The following ADAMTS17 variants were observed in gnomAD, a reference collection of about 807,000 sequenced individuals.
ADAMTS17 encodes the protein A disintegrin and metalloproteinase with thrombospondin motifs 17.
In ADAMTS17, 113 loss-of-function variants were observed where a neutral mutation model predicts 141.5. The observed-to-expected ratio is 0.80, with a 90% CI of 0.69 to 0.93. The LOEUF is 0.93. ADAMTS17 is among the 40% of genes least tolerant of loss of function. The pLI is 0.00. For synonymous variants in ADAMTS17, 768 were observed against 630.6 expected (o/e 1.22, Z -3.27); for missense variants, 1,659 against 1,517.9 (o/e 1.09, Z -1.54).
chr15:100,175,187 A>T (rs1035308667), intron 8 of ADAMTS17, among the ~76,000 whole-genome samples: 3 of 152,210 alleles, frequency 2.0e-5, no homozygotes, highest in Non-Finnish European at 2.9e-5. Flanking sequence ...ATGCCTTTTT[A>T]AAAAAGTAAC....
At chr15:100,167,361 C>A (rs565431738) in intron 8 of ADAMTS17, among the ~76,000 whole-genome samples, 1 of 152,264 alleles carries the variant, frequency 6.6e-6, no homozygotes, top group East Asian at 1.9e-4. Flanking sequence ...AAAAGGGAGC[C>A]CTTTGCCTGT....
intron 2 of ADAMTS17, among the ~76,000 whole-genome samples, chr15:100,338,431 A>T: frequency 6.6e-6 from 1 of 152,172 alleles, no homozygotes; most frequent in African/African-American, 2.4e-5. Context: ...ATACAGTGGG[A>T]CTTACCAGCA....
intron 8 of ADAMTS17, among the ~76,000 whole-genome samples, chr15:100,199,022 G>A (rs764147222): frequency 5.3e-5 from 8 of 152,158 alleles, no homozygotes; most frequent in Non-Finnish European, 7.4e-5. Context: ...TGCTCGTCCC[G>A]GAAAGGAAGT....
chr15:100,110,881 G>A (rs922572592), intron 13 of ADAMTS17, among the ~76,000 whole-genome samples: 2 of 152,164 alleles, frequency 1.3e-5, no homozygotes, highest in East Asian at 1.9e-4. Flanking sequence ...CAGAGCAGAC[G>A]TGCTGTCTCG....
chr15:100,044,659 T>G (rs2031534678), intron 18 of ADAMTS17, among the ~76,000 whole-genome samples: 2 of 152,238 alleles, frequency 1.3e-5, no homozygotes, highest in Admixed American at 6.5e-5. Context: ...CCAGTCAGTC[T>G]CCATTAATGG....
intron 18 of ADAMTS17, among the ~76,000 whole-genome samples, chr15:100,010,681 A>G (rs2061147376): frequency 6.6e-6 from 1 of 152,130 alleles, no homozygotes; most frequent in African/African-American, 2.4e-5. Flanking sequence ...CAACCAAAAC[A>G]CAGCTTTAAC....
At chr15:100,245,040 A>G (rs1295420415) in intron 7 of ADAMTS17, among the ~76,000 whole-genome samples, 1 of 152,228 alleles carries the variant, frequency 6.6e-6, no homozygotes, top group East Asian at 1.9e-4. Flanking sequence ...GCAATGGAGC[A>G]TGCAACTGCA....
chr15:100,206,767 T>C (rs905757159), intron 7 of ADAMTS17, among the ~76,000 whole-genome samples: 3 of 152,152 alleles, frequency 2.0e-5, no homozygotes, highest in African/African-American at 2.4e-5. Context: ...GGATCGAATC[T>C]CCCTTCAGAG....
chr15:100,210,626 A>G (rs1355142368), intron 7 of ADAMTS17, among the ~76,000 whole-genome samples: 1 of 152,208 alleles, frequency 6.6e-6, no homozygotes, highest in Non-Finnish European at 1.5e-5. Flanking sequence ...TATTTGGCCC[A>G]TTTAGGATTG....
rs536295102 is a variant in ADAMTS17 at position 99,999,783 on chromosome 15, C to T, written c.2592-2194G>A. On this transcript the variant is annotated intron_variant, in intron 18 of 21. Coordinates refer to ENST00000268070, the MANE Select transcript of ADAMTS17 (RefSeq NM_139057.4). ...GCTCCTACGGCAGTCCCAGTGACGA[C>T]GGCACTGGTCTGAACCAACTGGGGT... Among the ~76,000 whole-genome samples, 18 of 152,230 alleles carry T rather than the reference C, an allele frequency of 1.2e-4. 1 individual carries two copies. The East Asian group carries it at 1.4e-3, about 11-fold the overall frequency.
At position 100,188,726 on chromosome 15, in the gene ADAMTS17, T is replaced by A. The variant is rs192692501; in HGVS notation, c.1181+10592A>T. 3.3e-5 allele frequency among the ~76,000 whole-genome samples: 5 copies of A among 152,238 alleles called. No individual in the cohort carries two copies. In the East Asian group the frequency reaches 7.7e-4, roughly 24 times the overall value. On this transcript the variant is annotated intron_variant, in intron 8 of 21. Transcript: ENST00000268070. ...CCAAGCACACCTGCTAAGAAACCTG[T>A]CTCCAGGTGATAGAGGAGGCTGAAC...
At chr15:100,235,731 G>C (rs1413064509) in intron 7 of ADAMTS17, among the ~76,000 whole-genome samples, 2 of 152,188 alleles carry the variant, frequency 1.3e-5, no homozygotes, top group African/African-American at 2.4e-5. Context: ...GGCCCTCTCT[G>C]ACATCAAAAG....
At chr15:100,196,123 T>C (rs2041105777) in intron 8 of ADAMTS17, among the ~76,000 whole-genome samples, 1 of 152,212 alleles carries the variant, frequency 6.6e-6, no homozygotes, top group Non-Finnish European at 1.5e-5. Context: ...AGCAGCAGTA[T>C]TGACATTACC....
chr15:100,246,858 C>A (rs896129910), intron 7 of ADAMTS17, among the ~76,000 whole-genome samples: 2 of 127,912 alleles, frequency 1.6e-5, no homozygotes, highest in Non-Finnish European at 3.3e-5. Context: ...AAGTGGTTTG[C>A]CCTTTTATTT....
intron 7 of ADAMTS17, among the ~76,000 whole-genome samples, chr15:100,243,802 AAGAAAG>A (rs1468705899): frequency 4.7e-5 from 4 of 85,714 alleles, no homozygotes; most frequent in East Asian, 4.2e-4. Flanking sequence ...AAAAAAAAAA[AAGAAAG>A]AAAAGAAAAA....
At chr15:100,114,253 C>A (rs2036975136) in intron 13 of ADAMTS17, among the ~76,000 whole-genome samples, 1 of 151,832 alleles carries the variant, frequency 6.6e-6, no homozygotes, top group Non-Finnish European at 1.5e-5. Context: ...CCAAAGAATT[C>A]CGCAGCGATA....
intron 7 of ADAMTS17, among the ~76,000 whole-genome samples, chr15:100,234,795 GCCAGGGTGGA>G (rs2042602751): frequency 6.6e-6 from 1 of 152,200 alleles, no homozygotes; most frequent in African/African-American, 2.4e-5. Flanking sequence ...CAGCAGCTGA[GCCAGGGTGGA>G]AAGGAAGGGG....
chr15:100,327,195 A>G (rs888305290), intron 3 of ADAMTS17, among the ~76,000 whole-genome samples: 1 of 152,216 alleles, frequency 6.6e-6, no homozygotes, highest in Admixed American at 6.5e-5. Context: ...ACTGTGCACT[A>G]CAGAGGATAT....
At chr15:100,239,357 C>A (rs980295313) in intron 7 of ADAMTS17, among the ~76,000 whole-genome samples, 1 of 152,204 alleles carries the variant, frequency 6.6e-6, no homozygotes, top group Non-Finnish European at 1.5e-5. Flanking sequence ...GGATGAGGAG[C>A]GGCGCTGGTT....
Sources: gnomAD v4.1 joint callset for allele counts (sites outside exome capture counted in the v4.1 genomes callset) on GRCh38, gnomAD v4.1.1 for gene constraint, MANE v1.5 for transcripts, NCBI Gene and HGNC (gene_info 2026-07-23, HGNC 2026-07-21) for gene names.